COPA: variants seen among roughly 807,000 people sequenced by gnomAD.
The protein encoded by COPA is coat protein complex I subunit alpha.
A neutral mutation model predicts 158.7 loss-of-function variants in COPA; 10 were observed. That is an observed-to-expected ratio of 0.06 (90% CI 0.04 to 0.11). The LOEUF is 0.11. Ranked by LOEUF, COPA falls within the 10% of genes least tolerant of loss-of-function variation. COPA has a pLI of 1.00. For missense variants in COPA, 1,065 were observed against 1,536.7 expected, an observed-to-expected ratio of 0.69 and a Z score of 5.13; for synonymous variants, 462 against 542.8, an observed-to-expected ratio of 0.85 and a Z score of 2.07.
chr1:160,307,352 G>C, intron 13 of COPA, 107 bp from the exon 14 acceptor site: 2 of 1,007,308 alleles, frequency 2.0e-6, no homozygotes, highest in South Asian at 1.3e-5. Flanking sequence ...TCTTGGCTTT[G>C]CCAGTTGAGC....
intron 8 of COPA, among the ~76,000 whole-genome samples, chr1:160,318,693 T>C (rs991256631): frequency 1.3e-5 from 2 of 151,978 alleles, no homozygotes; most frequent in African/African-American, 4.8e-5. Context: ...GTTAAAGAGA[T>C]AGTCAAAAAG....
Position 160,296,066 on chromosome 1 carries a change from CCTT to C in COPA, c.2344_2346del (p.Lys782del). 1.2e-6 allele frequency: 2 copies of C among 1,613,898 alleles called. No individual in the cohort carries two copies. Among genetic ancestry groups the C allele is most frequent in the African/African-American group, 1.3e-5 (1 of 75,044 alleles). On this transcript the variant is annotated inframe_deletion, in exon 22 of 33. Transcript: ENST00000241704. ...TTATGTAAATAAAGACTCACTGTCT[CCTT>C]CTCTGGGTCAAATGTCTCCTTTAGG...
At chr1:160,291,604 G>A in intron 30 of COPA, 108 bp from the exon 31 acceptor site, 1 of 1,373,894 alleles carries the variant, frequency 7.3e-7, no homozygotes, top group Non-Finnish European at 1.0e-6. Context: ...TAGGATGATG[G>A]GCTATAAAGC....
intron 6 of COPA, among the ~76,000 whole-genome samples, chr1:160,331,132 T>C (rs1408896153): frequency 6.6e-6 from 1 of 152,114 alleles, no homozygotes; most frequent in Non-Finnish European, 1.5e-5. Flanking sequence ...GCATTTAGTG[T>C]TTGATTTCCC....
intron 1 of COPA, among the ~76,000 whole-genome samples, chr1:160,342,747 CAG>C (rs1648141685): frequency 6.6e-6 from 1 of 152,100 alleles, no homozygotes; most frequent in Non-Finnish European, 1.5e-5. Flanking sequence ...GTGCGAGTAA[CAG>C]AGATCGAGAC....
intron 17 of COPA, 69 bp from the exon 18 acceptor site, chr1:160,299,333 C>T (rs1658520854): frequency 6.8e-7 from 1 of 1,465,132 alleles, no homozygotes; most frequent in Admixed American, 2.0e-5. Flanking sequence ...ACGGAACAAA[C>T]CTAGGAAACG....
At chr1:160,341,663 T>C (rs1490129987) in intron 1 of COPA, among the ~76,000 whole-genome samples, 1 of 152,242 alleles carries the variant, frequency 6.6e-6, no homozygotes, top group Non-Finnish European at 1.5e-5. Context: ...TATTTGTTGT[T>C]TTGTTTTATA....
At chr1:160,293,312 G>GTATA (rs1213039809) in intron 26 of COPA, 74 bp downstream of exon 26, 9 of 1,610,656 alleles carry the variant, frequency 5.6e-6, no homozygotes, top group Non-Finnish European at 7.6e-6. Flanking sequence ...TAGTAGAAAA[G>GTATA]TAGCCAACAC....
intron 8 of COPA, among the ~76,000 whole-genome samples, chr1:160,318,492 C>T (rs200834439): frequency 3.4e-5 from 2 of 58,080 alleles, no homozygotes; most frequent in African/African-American, 1.0e-4. Flanking sequence ...AAAAAAAAAA[C>T]AAAAAAAAAA....
chr1:160,326,212 T>C (rs1426616119), intron 6 of COPA: 1 of 153,682 alleles, frequency 6.5e-6, no homozygotes, highest in Non-Finnish European at 1.4e-5. Flanking sequence ...ATCTTCGGAC[T>C]AGGCTCAAGA....
intron 8 of COPA, among the ~76,000 whole-genome samples, chr1:160,321,222 A>C (rs1659322421): frequency 6.6e-6 from 1 of 152,192 alleles, no homozygotes; most frequent in Non-Finnish European, 1.5e-5. Flanking sequence ...ATATATGATA[A>C]ACTTACAACT....
At position 160,292,056 on chromosome 1, in the gene COPA, T is replaced by C; in HGVS notation, c.3103A>G (p.Ser1035Gly). ...AVEKFRSILL[S>G]VPLLVVDNKQ... is the part of the protein sequence containing the mutation. ...TTGTCCACAACAAGAAGTGGCACAC[T>C]GAGAAGGATGGAACGGAATTTTTCC... The change falls in exon 29 of 33, where the codon AGT (serine) becomes GGT (glycine). Residue 1035 changes from serine (S) to glycine (G), a missense_variant. Ser to Gly is a moderately conservative substitution (Grantham distance 56). Around this residue, in one of 2 missense-constraint regions of COPA, gnomAD observed 980 missense variants for 1,357.8 expected, o/e 0.72. Coordinates refer to ENST00000241704, the MANE Select transcript of COPA (RefSeq NM_004371.4). 2 of 1,614,210 alleles carry C rather than the reference T, an allele frequency of 1.2e-6. No homozygotes were observed. The highest frequency in any genetic ancestry group is 1.7e-6 in the Non-Finnish European group (2 of 1,180,032).
At chr1:160,312,939 G>A (rs960539847) in intron 10 of COPA, 146 bp downstream of exon 10, 2 of 678,842 alleles carry the variant, frequency 2.9e-6, no homozygotes, top group Non-Finnish European at 4.9e-6. Flanking sequence ...AGAAAAAAAG[G>A]AGAAAAGCTT....
At chr1:160,313,030 C>A in intron 10 of COPA, 55 bp downstream of exon 10, 1 of 1,496,306 alleles carries the variant, frequency 6.7e-7, no homozygotes, top group South Asian at 1.2e-5. Flanking sequence ...TAATCACTTT[C>A]AAGACTTATA....
chr1:160,306,886 A>C (rs1658802673), intron 14 of COPA, among the ~76,000 whole-genome samples: 1 of 152,208 alleles, frequency 6.6e-6, no homozygotes, highest in Non-Finnish European at 1.5e-5. Flanking sequence ...CAGCCCACTC[A>C]CTTCAGATTT....
In COPA at chr1:160,306,392, A is replaced by G. The variant is rs765190248; in HGVS notation, c.1404T>C (p.Asp468=). 7.4e-6 allele frequency: 12 copies of G among 1,613,520 alleles called. No homozygotes were observed. In the South Asian group the frequency reaches 1.3e-4, roughly 18 times the overall value. Residue 468 remains aspartate, a synonymous_variant, in exon 15 of 33, where the codon GAT becomes GAC. Coordinates refer to ENST00000241704, the MANE Select transcript of COPA (RefSeq NM_004371.4). ...CGTCAAAGAGTGTGATAGAGTCCGC[A>G]TCTCGAAGCAGGAGATTGCCTGTGC... The part of the protein sequence containing the change: ...YAGTGNLLLR[D]ADSITLFDVQ...
rs112773653 is a variant in COPA at position 160,290,528 on chromosome 1, G to A, written c.3579C>T (p.Ser1193=). The part of the protein sequence containing the change: ...EKCPLSGACY[S]PEFKGQICRV... The stretch of plus-strand genomic sequence containing the variant: ...TGCAGATTTGACCTTTGAACTCAGG[G>A]GAATAGCAGGCCCCACTGAGTGGAC... Residue 1193 remains serine (S), a synonymous_variant, in exon 32 of 33, where the codon TCC becomes TCT. Coordinates refer to ENST00000241704, the MANE Select transcript of COPA (RefSeq NM_004371.4). 6.2e-7 allele frequency: 1 copy of A among 1,614,196 alleles called. No individual in the cohort carries two copies.
intron 6 of COPA, among the ~76,000 whole-genome samples, chr1:160,328,213 A>G (rs1647348900): frequency 6.6e-6 from 1 of 152,246 alleles, no homozygotes; most frequent in South Asian, 2.1e-4. Flanking sequence ...AACTTTTTCT[A>G]ACGAGTCTGG....
chr1:160,309,307 C>T lies in COPA; in HGVS notation c.1144-131G>A, dbSNP rs1658889198. 7.2e-6 allele frequency: 5 copies of T among 693,276 alleles called. No individual in the cohort carries two copies. In the Admixed American group the frequency reaches 1.2e-4, roughly 17 times the overall value. 42.9% of individuals were successfully genotyped at this position (693,276 alleles called of 1,614,324 possible). ...CTGAAACCATACTTTTCTTACCCTT[C>T]ACCCAGAGGGCATTTGACTGTTTCT... On this transcript the variant is annotated intron_variant, in intron 12 of 32. Transcript: ENST00000241704.
Sources: allele counts gnomAD v4.1 joint callset (sites outside exome capture counted in the v4.1 genomes callset), GRCh38; gene constraint gnomAD v4.1.1; regional missense constraint gnomAD v4.1.1; transcripts MANE v1.5; gene names NCBI Gene and HGNC (gene_info 2026-07-23, HGNC 2026-07-21).